ZBTB5: variants seen among roughly 807,000 people sequenced by gnomAD.
The protein encoded by ZBTB5 is zinc finger and BTB domain containing 5, also known as zinc finger and BTB domain-containing protein 5.
In ZBTB5, 15 loss-of-function variants were observed where a neutral mutation model predicts 37.9. That is an observed-to-expected ratio of 0.40 (90% CI 0.26 to 0.61). ZBTB5 has a LOEUF of 0.61. Ranked by LOEUF, ZBTB5 falls within the 20% of genes least tolerant of loss-of-function variation. The pLI is 0.47. For synonymous variants in ZBTB5, 315 were observed against 312.4 expected (o/e 1.01, Z -0.09); for missense variants, 708 against 856.8 (o/e 0.83, Z 2.17).
At chr9:37,456,601 C>T (rs1275850381) in intron 1 of ZBTB5, among the ~76,000 whole-genome samples, 4 of 152,158 alleles carry the variant, frequency 2.6e-5, no homozygotes, top group Admixed American at 6.5e-5. Context: ...CCTTGTTTTC[C>T]AGGCCAAAAT....
At chr9:37,452,716 C>G (rs1824124920) in intron 1 of ZBTB5, among the ~76,000 whole-genome samples, 2 of 152,208 alleles carry the variant, frequency 1.3e-5, no homozygotes, top group African/African-American at 4.8e-5. Flanking sequence ...AACAATGCCT[C>G]TGAGTTTGAG....
At chr9:37,448,300 G>T (rs1588777700) in intron 1 of ZBTB5, among the ~76,000 whole-genome samples, 1 of 152,088 alleles carries the variant, frequency 6.6e-6, no homozygotes, top group African/African-American at 2.4e-5. Flanking sequence ...GTTATACCTT[G>T]TTGGCAGACC....
chr9:37,460,805 C>T (rs1824279695), intron 1 of ZBTB5, among the ~76,000 whole-genome samples: 1 of 151,892 alleles, frequency 6.6e-6, no homozygotes, highest in African/African-American at 2.4e-5. Context: ...GAGTTTGGGG[C>T]TGCAGTGAGT....
At chr9:37,453,241 G>A (rs912866990) in intron 1 of ZBTB5, among the ~76,000 whole-genome samples, 2 of 152,166 alleles carry the variant, frequency 1.3e-5, no homozygotes, top group South Asian at 2.1e-4. Flanking sequence ...CCAGGCTGGA[G>A]TGCTGGCACA....
intron 1 of ZBTB5, 81 bp from the exon 2 acceptor site, chr9:37,442,636 G>T: frequency 8.5e-7 from 1 of 1,170,916 alleles, no homozygotes; most frequent in Non-Finnish European, 1.2e-6. Flanking sequence ...TGAAAAGAGT[G>T]GAATGGATGG....
rs78305892 is a variant in ZBTB5 at position 37,455,536 on chromosome 9, C to T, written c.-5+9679G>A. Among the ~76,000 whole-genome samples the T allele has an allele frequency of 6.9e-3, 1,044 of 152,330 alleles. 10 individuals are homozygous for T. Among genetic ancestry groups the T allele is most frequent in the African/African-American group, 0.023 (971 of 41,582 alleles). Reference sequence around the variant, plus strand: ...CACTGTAGCATGCCCAATGGGGCTTCGGGAGCTGCAGGCACCCACCCCTAG... The same window carrying T: ...CACTGTAGCATGCCCAATGGGGCTTTGGGAGCTGCAGGCACCCACCCCTAG... On this transcript the variant is annotated intron_variant, in intron 1 of 1. Coordinates refer to ENST00000307750, the MANE Select transcript of ZBTB5 (RefSeq NM_014872.3).
chr9:37,452,046 TTGGTGGC>T (rs1211445478), intron 1 of ZBTB5, among the ~76,000 whole-genome samples: 1 of 152,222 alleles, frequency 6.6e-6, no homozygotes, highest in Non-Finnish European at 1.5e-5. Flanking sequence ...TCATTCTAAC[TTGGTGGC>T]TGGTGGCCTT....
intron 1 of ZBTB5, among the ~76,000 whole-genome samples, chr9:37,462,528 G>A (rs1006462599): frequency 1.3e-5 from 2 of 149,410 alleles, no homozygotes; most frequent in Non-Finnish European, 3.0e-5. Flanking sequence ...CTACACTGTC[G>A]TGCCCACCTT....
intron 1 of ZBTB5, among the ~76,000 whole-genome samples, chr9:37,453,958 T>C (rs1402451932): frequency 6.6e-6 from 1 of 152,136 alleles, no homozygotes; most frequent in African/African-American, 2.4e-5. Context: ...CCAGAAGGTA[T>C]CAAGACTCTG....
chr9:37,459,709 C>A (rs1824255467), intron 1 of ZBTB5, among the ~76,000 whole-genome samples: 2 of 96,478 alleles, frequency 2.1e-5, no homozygotes, highest in Admixed American at 2.7e-4. Flanking sequence ...CCATGCCCAG[C>A]TAATTTTTTT....
At chr9:37,458,623 T>C (rs911482469) in intron 1 of ZBTB5, among the ~76,000 whole-genome samples, 6 of 152,278 alleles carry the variant, frequency 3.9e-5, no homozygotes, top group Non-Finnish European at 7.3e-5. Flanking sequence ...GGAAAACTTG[T>C]ATCTGTCACT....
intron 1 of ZBTB5, among the ~76,000 whole-genome samples, chr9:37,457,829 G>C (rs1824219229): frequency 6.6e-6 from 1 of 152,184 alleles, no homozygotes; most frequent in African/African-American, 2.4e-5. Context: ...GGTGGGTAAA[G>C]CAATGTATTC....
chr9:37,442,044 G>C lies in ZBTB5; in HGVS notation c.508C>G (p.Pro170Ala), dbSNP rs1334584026. ...SSQNGEEQPAPMSSSMRSNLD... is the reference protein window; with the variant it reads ...SSQNGEEQPAAMSSSMRSNLD... ...TTACTGCGCATGGAAGAGCTCATGGGGGCTGGCTGCTCCTCGCCATTCTGG... is the reference window on the plus strand; with the variant it reads ...TTACTGCGCATGGAAGAGCTCATGGCGGCTGGCTGCTCCTCGCCATTCTGG... The change falls in exon 2 of 2, where the codon CCC becomes GCC. Residue 170 changes from proline to alanine, a missense_variant. By Grantham distance (27) the Pro-to-Ala change is conservative. Around this residue, in one of 3 missense-constraint regions of ZBTB5, gnomAD observed 639 missense variants for 690.5 expected, o/e 0.93. Coordinates refer to ENST00000307750, the MANE Select transcript of ZBTB5 (RefSeq NM_014872.3). 6.2e-7 allele frequency: 1 copy of C among 1,613,868 alleles called. No individual in the cohort carries two copies. Among genetic ancestry groups the C allele is most frequent in the Non-Finnish European group, 8.5e-7 (1 of 1,180,044 alleles).
chr9:37,455,796 G>A (rs1297687241), intron 1 of ZBTB5, among the ~76,000 whole-genome samples: 1 of 152,028 alleles, frequency 6.6e-6, no homozygotes, highest in Non-Finnish European at 1.5e-5. Context: ...GAAAACAAAA[G>A]TCAGAGAGCA....
chr9:37,461,355 AAATT>A (rs1470473937), intron 1 of ZBTB5, among the ~76,000 whole-genome samples: 1 of 152,230 alleles, frequency 6.6e-6, no homozygotes, highest in Non-Finnish European at 1.5e-5. Flanking sequence ...ATGTACTGAA[AAATT>A]AATTATACCA....
At position 37,439,542 on chromosome 9, in the gene ZBTB5, T is replaced by C. The variant is rs1823815587; in HGVS notation, c.*976A>G. On this transcript the variant is annotated 3_prime_UTR_variant, in exon 2 of 2. Coordinates refer to ENST00000307750, the MANE Select transcript of ZBTB5 (RefSeq NM_014872.3). ...AAACGGTAATCTAAACCTGGGAGAG[T>C]TGCTATATGGGGAGGGGAGAGTGAA... 6.6e-6 allele frequency: 1 copy of C among 151,502 alleles called. No homozygotes were observed. The highest frequency in any genetic ancestry group is 6.6e-5 in the Admixed American group (1 of 15,188). 9.4% of individuals were successfully genotyped at this position (151,502 alleles called of 1,614,324 possible).
rs763796345 is a variant in ZBTB5, at chr9:37,442,376, TCTC to T, written c.173_175del (p.Gly58del). 3.5e-5 allele frequency: 56 copies of T among 1,614,128 alleles called. No individual in the cohort carries two copies. Among genetic ancestry groups the T allele is most frequent in the Non-Finnish European group, 4.7e-5 (56 of 1,180,012 alleles). On this transcript the variant is annotated inframe_deletion, in exon 2 of 2. Coordinates refer to ENST00000307750, the MANE Select transcript of ZBTB5 (RefSeq NM_014872.3). ...CAGCTGGATCATGTTCATGGTCTGA[TCTC>T]CTTCTGCCACTGAGAACAGGGCTCG...
chr9:37,448,424 G>A lies in ZBTB5; in HGVS notation c.-4-5869C>T, dbSNP rs971649566. ...ATGTGAAGGGGGGAAGGGGTGCTCA[G>A]AAGATTCTGGGGAGCTGCAAATGAC... On this transcript the variant is annotated intron_variant, in intron 1 of 1. Coordinates refer to ENST00000307750, the MANE Select transcript of ZBTB5 (RefSeq NM_014872.3). 2.6e-5 allele frequency among the ~76,000 whole-genome samples: 4 copies of A among 152,346 alleles called. No homozygotes were observed. In the South Asian group the frequency reaches 8.3e-4, roughly 32 times the overall value.
chr9:37,442,411 C>A lies in ZBTB5; in HGVS notation c.141G>T (p.Thr47=), dbSNP rs760367964. The change falls in exon 2 of 2, where the codon ACG becomes ACT. Residue 47 remains threonine (T), a synonymous_variant. Transcript: ENST00000307750. ...AHRSVLAACS[T]HFRALFSVAE... ...CCACTGAGAACAGGGCTCGGAAATGCGTGCTGCATGCTGCCAGCACGGAGC... is the reference window on the plus strand; with the variant it reads ...CCACTGAGAACAGGGCTCGGAAATGAGTGCTGCATGCTGCCAGCACGGAGC... 2 of 1,613,896 alleles carry A rather than the reference C, an allele frequency of 1.2e-6. No individual in the cohort carries two copies. Among genetic ancestry groups the A allele is most frequent in the Middle Eastern group, 1.6e-4 (1 of 6,084 alleles).
Sources: gnomAD v4.1 joint callset for allele counts (sites outside exome capture counted in the v4.1 genomes callset) on GRCh38, gnomAD v4.1.1 for gene constraint, gnomAD v4.1.1 regional missense constraint, MANE v1.5 for transcripts, NCBI Gene and HGNC (gene_info 2026-07-23, HGNC 2026-07-21) for gene names.